Variants in MED13L observed in about 807,000 individuals in gnomAD.
The protein encoded by MED13L is mediator of RNA polymerase II transcription subunit 13-like.
A neutral mutation model predicts 220.9 loss-of-function variants in MED13L; 7 were observed. The observed-to-expected ratio is 0.03, with a 90% CI of 0.02 to 0.06. The LOEUF is 0.06. Ranked by LOEUF, MED13L falls within the 10% of genes least tolerant of loss-of-function variation. The probability of loss-of-function intolerance (pLI) is 1.00; values close to 1 mark genes in which losing one functional copy is unlikely to be tolerated. For synonymous variants in MED13L, 1,011 were observed against 1,015.2 expected (o/e 1.00, Z 0.08); for missense variants, 1,965 against 2,760.5 (o/e 0.71, Z 6.46).
chr12:116,053,842 T>C (rs1868713594), intron 4 of MED13L, among the ~76,000 whole-genome samples: 2 of 152,186 alleles, frequency 1.3e-5, no homozygotes, highest in South Asian at 2.1e-4. Flanking sequence ...ATTTTAGCTC[T>C]TTTTACCTCT....
Position 116,073,109 on chromosome 12 carries a change from A to G in MED13L, c.479+23560T>C, listed in dbSNP as rs186943569. 6.6e-4 allele frequency among the ~76,000 whole-genome samples: 100 copies of G among 152,308 alleles called. No homozygotes were observed. The East Asian group carries it at 0.01, about 15-fold the overall frequency. On this transcript the variant is annotated intron_variant, in intron 4 of 30. Transcript: ENST00000281928. ...TGAATATGTCTGGTGAAAAGGGGAAACAGAAGGTAAAGAATGTGACTTCTG... is the reference window on the plus strand; with the variant it reads ...TGAATATGTCTGGTGAAAAGGGGAAGCAGAAGGTAAAGAATGTGACTTCTG...
chr12:116,140,859 T>C (rs530194313), intron 2 of MED13L, among the ~76,000 whole-genome samples: 1 of 152,356 alleles, frequency 6.6e-6, no homozygotes, highest in South Asian at 2.1e-4. Flanking sequence ...GCTGAAATGA[T>C]AGTCATCACA....
intron 2 of MED13L, among the ~76,000 whole-genome samples, chr12:116,126,594 A>T (rs551577577): frequency 5.3e-5 from 8 of 152,240 alleles, no homozygotes; most frequent in Non-Finnish European, 1.2e-4. Flanking sequence ...AGGTATTACA[A>T]ATAAATACAA....
intron 4 of MED13L, among the ~76,000 whole-genome samples, chr12:116,033,235 AAGT>A (rs1880965622): frequency 6.6e-6 from 1 of 152,188 alleles, no homozygotes; most frequent in Non-Finnish European, 1.5e-5. Flanking sequence ...GAATAAAACT[AAGT>A]AAAACAAATG....
chr12:116,002,928 C>T (rs1464925992), intron 14 of MED13L, 75 bp downstream of exon 14: 2 of 1,163,194 alleles, frequency 1.7e-6, no homozygotes, highest in Admixed American at 1.7e-5. Flanking sequence ...AGATAAAGCA[C>T]CACTAAGTAT....
At chr12:116,202,832 T>C (rs1041846896) in intron 2 of MED13L, among the ~76,000 whole-genome samples, 2 of 152,178 alleles carry the variant, frequency 1.3e-5, no homozygotes, top group South Asian at 2.1e-4. Context: ...AATTAAAAAC[T>C]GCTTCTCACA....
At chr12:116,241,604 T>TC (rs773754360) in intron 1 of MED13L, among the ~76,000 whole-genome samples, 127 of 152,322 alleles carry the variant, frequency 8.3e-4, no homozygotes, top group Admixed American at 1.3e-3. Context: ...TCAGTACATC[T>TC]ATGCTCTCAG....
intron 2 of MED13L, among the ~76,000 whole-genome samples, chr12:116,198,402 C>T (rs532753575): frequency 9.9e-5 from 15 of 152,084 alleles, no homozygotes; most frequent in African/African-American, 3.1e-4. Context: ...AGTACCTTTT[C>T]CTTCCTTCTT....
rs1016361846 is a variant in MED13L, at chr12:116,108,371, T to C, written c.395+3057A>G. Among the ~76,000 whole-genome samples, 11 of 103,862 alleles carry C rather than the reference T, an allele frequency of 1.1e-4. 1 individual carries two copies. In the South Asian group the frequency reaches 3.3e-3, roughly 31 times the overall value. The allele number at this position is 103,862 out of a possible 152,430, so 68.1% of individuals were successfully genotyped here. A position where few individuals can be genotyped will look rare whatever the true frequency, so the allele number is the denominator to read the frequency against. On this transcript the variant is annotated intron_variant, in intron 3 of 30. Transcript: ENST00000281928. The stretch of plus-strand genomic sequence containing the variant: ...ATAAAATAGACTCTAACATTAACAA[T>C]AGCTGAGCTTTAAAAGAAAGGGGGG...
At chr12:116,180,167 G>A (rs916495707) in intron 2 of MED13L, among the ~76,000 whole-genome samples, 3 of 152,174 alleles carry the variant, frequency 2.0e-5, no homozygotes, top group Non-Finnish European at 4.4e-5. Context: ...GCAGGGGCCA[G>A]AGATGACGCT....
At chr12:116,228,156 G>A (rs536853225) in intron 2 of MED13L, among the ~76,000 whole-genome samples, 21 of 152,206 alleles carry the variant, frequency 1.4e-4, no homozygotes, top group Admixed American at 7.2e-4. Context: ...GCAAACCTGG[G>A]AGCTAGCAGA....
chr12:116,137,244 T>C (rs1267710118), intron 2 of MED13L, among the ~76,000 whole-genome samples: 3 of 152,102 alleles, frequency 2.0e-5, no homozygotes, highest in East Asian at 1.9e-4. Context: ...ATAATGGAAG[T>C]AGTGGTGGTG....
At chr12:116,105,774 T>C (rs919549346) in intron 3 of MED13L, among the ~76,000 whole-genome samples, 2 of 152,196 alleles carry the variant, frequency 1.3e-5, no homozygotes, top group Non-Finnish European at 2.9e-5. Context: ...CCAATGTGTA[T>C]ACTATATAAA....
At chr12:115,965,787 G>A (rs985161646) in intron 29 of MED13L, among the ~76,000 whole-genome samples, 2 of 152,064 alleles carry the variant, frequency 1.3e-5, no homozygotes, top group Non-Finnish European at 2.9e-5. Context: ...ATATAGACTT[G>A]GAGAAAGACC....
intron 2 of MED13L, among the ~76,000 whole-genome samples, chr12:116,159,667 T>G (rs936105694): frequency 3.3e-5 from 5 of 152,188 alleles, no homozygotes; most frequent in African/African-American, 1.2e-4. Context: ...GTCAAAATGA[T>G]TTAATATTTA....
At chr12:116,120,201 G>A (rs957398939) in intron 2 of MED13L, among the ~76,000 whole-genome samples, 7 of 151,508 alleles carry the variant, frequency 4.6e-5, no homozygotes, top group Admixed American at 1.3e-4. Context: ...TTCTGACTCT[G>A]ACACCCATGC....
At chr12:115,993,319 T>A (rs531439512) in intron 16 of MED13L, among the ~76,000 whole-genome samples, 159 of 152,242 alleles carry the variant, frequency 1.0e-3, no homozygotes, top group African/African-American at 3.2e-3. Context: ...ATTTTTAAAA[T>A]TTTTTAATAT....
intron 4 of MED13L, among the ~76,000 whole-genome samples, chr12:116,029,342 A>G (rs1036784082): frequency 2.0e-5 from 3 of 151,316 alleles, no homozygotes; most frequent in African/African-American, 2.4e-5. Flanking sequence ...ATTGAAACTT[A>G]TAAGTGCAAA....
chr12:116,103,544 C>G (rs979873321), intron 3 of MED13L, among the ~76,000 whole-genome samples: 2 of 152,214 alleles, frequency 1.3e-5, no homozygotes, highest in Admixed American at 6.5e-5. Flanking sequence ...GACTCAGCCT[C>G]CTGAGTAGCT....
Sources: gnomAD v4.1 joint callset for allele counts (sites outside exome capture counted in the v4.1 genomes callset) on GRCh38, gnomAD v4.1.1 for gene constraint, MANE v1.5 for transcripts, NCBI Gene and HGNC (gene_info 2026-07-23, HGNC 2026-07-21) for gene names.